The following C5 variants were observed in gnomAD, a reference collection of about 807,000 sequenced individuals.
C5 encodes complement C5.
In C5, 140 loss-of-function variants were observed where a neutral mutation model predicts 218.8. The observed-to-expected ratio is 0.64, with a 90% CI of 0.56 to 0.74. The LOEUF (loss-of-function observed/expected upper bound fraction) is 0.74. Ranked by LOEUF, C5 falls within the 30% of genes least tolerant of loss-of-function variation. The pLI, the probability that C5 is intolerant of heterozygous loss-of-function variation, is 0.00. For synonymous variants in C5, 614 were observed against 682.3 expected (o/e 0.90, Z 1.56); for missense variants, 1,700 against 1,969.6 (o/e 0.86, Z 2.59).
At chr9:121,050,320 G>C, upstream of C5, 10 of 1,169,582 alleles carry the variant, frequency 8.6e-6, no homozygotes, top group Non-Finnish European at 1.3e-5. Flanking sequence ...TGAACTTGAA[G>C]AATTCAGATA....
At chr9:120,977,046 A>C (rs1385279771) in intron 28 of C5, 141 bp from the exon 29 acceptor site, 1 of 713,878 alleles carries the variant, frequency 1.4e-6, no homozygotes, top group Non-Finnish European at 2.5e-6. Flanking sequence ...AAGATGACCA[A>C]TGCAAAACGA....
At chr9:121,010,541 T>C (rs2047252950) in intron 17 of C5, among the ~76,000 whole-genome samples, 1 of 152,184 alleles carries the variant, frequency 6.6e-6, no homozygotes, top group Admixed American at 6.5e-5. Context: ...AGAATCAATA[T>C]TGTTAAAACG....
intron 40 of C5, among the ~76,000 whole-genome samples, chr9:120,953,192 G>A (rs960637523): frequency 1.3e-5 from 2 of 152,140 alleles, no homozygotes; most frequent in Non-Finnish European, 2.9e-5. Context: ...CCATAGTGCT[G>A]GGATTACAGG....
chr9:120,975,959 G>A (rs1392357407), intron 29 of C5, among the ~76,000 whole-genome samples: 1 of 152,200 alleles, frequency 6.6e-6, no homozygotes, highest in African/African-American at 2.4e-5. Flanking sequence ...GTTAAACAAT[G>A]TGGCCATTCC....
In C5 at chr9:121,008,410, T is replaced by C; in HGVS notation, c.2346A>G (p.Arg782=). ...GAAACATGAAAGAAGTATAATACCT[T>C]CTGGGAACAAGATGAACTTCCCACA... ...SWLWEVHLVP[R]RKQLQFALPD... The change falls in exon 18 of 41, where the codon AGA becomes AGG. Residue 782 remains arginine (R), a splice_region_variant and synonymous_variant. Coordinates refer to ENST00000223642, the MANE Select transcript of C5 (RefSeq NM_001735.3). The C allele has an allele frequency of 6.2e-7, 1 of 1,610,262 alleles. No homozygotes were observed. The highest frequency in any genetic ancestry group is 8.5e-7 in the Non-Finnish European group (1 of 1,176,600).
intron 38 of C5, among the ~76,000 whole-genome samples, chr9:120,959,700 G>A (rs2046812456): frequency 6.6e-6 from 1 of 152,194 alleles, no homozygotes; most frequent in Non-Finnish European, 1.5e-5. Context: ...CTGAGACAAG[G>A]CTACAACTGT....
At chr9:121,000,883 C>G (rs903493477) in intron 20 of C5, among the ~76,000 whole-genome samples, 1 of 152,088 alleles carries the variant, frequency 6.6e-6, no homozygotes, top group Non-Finnish European at 1.5e-5. Flanking sequence ...TCTTTGTGTC[C>G]ATATATACTC....
the C5 span, among the ~76,000 whole-genome samples, chr9:121,073,579 C>T: frequency 7.2e-6 from 1 of 139,250 alleles, no homozygotes; most frequent in African/African-American, 2.7e-5. Flanking sequence ...TGCAGTGGCG[C>T]GATCTCGGCT....
chr9:120,990,665 A>T (rs565705174), intron 23 of C5, among the ~76,000 whole-genome samples: 1 of 152,302 alleles, frequency 6.6e-6, no homozygotes, highest in East Asian at 1.9e-4. Context: ...GCCCTTGCCA[A>T]ACACCCAATC....
At chr9:121,018,830 C>G (rs932604315) in intron 12 of C5, among the ~76,000 whole-genome samples, 1 of 151,826 alleles carries the variant, frequency 6.6e-6, no homozygotes, top group Non-Finnish European at 1.5e-5. Flanking sequence ...TATGGGCCTA[C>G]TATGTGCCAG....
At position 121,026,912 on chromosome 9, in the gene C5, C is replaced by A. The variant is rs1046397926; in HGVS notation, c.873+248G>T. 1.3e-5 allele frequency among the ~76,000 whole-genome samples: 2 copies of A among 151,824 alleles called. 1 individual carries two copies. On this transcript the variant is annotated intron_variant, in intron 8 of 40. Transcript: ENST00000223642. The stretch of plus-strand genomic sequence containing the variant: ...ACCTGGAGGCAAGAGAGACTTTGGT[C>A]AGTTAGAGAAATTGGAGTGATTAAT...
At chr9:120,953,287 C>T (rs2046759879) in intron 40 of C5, among the ~76,000 whole-genome samples, 1 of 152,204 alleles carries the variant, frequency 6.6e-6, no homozygotes, top group Non-Finnish European at 1.5e-5. Flanking sequence ...CCGCCAAACT[C>T]TTCTGTACCG....
intron 40 of C5, 94 bp downstream of exon 40, chr9:120,953,636 G>A (rs2046763251): frequency 8.0e-7 from 1 of 1,247,916 alleles, no homozygotes; most frequent in Admixed American, 1.7e-5. Flanking sequence ...TGTTGGTTAA[G>A]AGCAGGGCCA....
intron 39 of C5, among the ~76,000 whole-genome samples, chr9:120,956,447 C>T (rs1014122040): frequency 8.5e-5 from 13 of 152,206 alleles, no homozygotes; most frequent in Non-Finnish European, 1.8e-4. Flanking sequence ...GAAAAACATT[C>T]CACGCTCATG....
At chr9:120,982,931 AAAGT>A in intron 25 of C5, 117 bp from the exon 26 acceptor site, 1 of 640,324 alleles carries the variant, frequency 1.6e-6, no homozygotes, top group Non-Finnish European at 2.6e-6. Context: ...ATGCAATTCC[AAAGT>A]AAGTCATCAT....
Sources: allele counts gnomAD v4.1 joint callset (sites outside exome capture counted in the v4.1 genomes callset), GRCh38; gene constraint gnomAD v4.1.1; transcripts MANE v1.5; gene names NCBI Gene and HGNC (gene_info 2026-07-23, HGNC 2026-07-21).